The following WDR72 variants were observed in gnomAD, a reference collection of about 807,000 sequenced individuals.
WDR72 encodes WD repeat-containing protein 72.
A neutral mutation model predicts 124.2 loss-of-function variants in WDR72; 120 were observed. The ratio of observed to expected loss-of-function variants is 0.97; its 90% CI spans 0.83 to 1.12. The LOEUF (loss-of-function observed/expected upper bound fraction) is 1.12. Among genes scored for constraint, WDR72 ranks in the 50% most tolerant of loss-of-function variants. The pLI, the probability that WDR72 is intolerant of heterozygous loss-of-function variation, is 0.00. For missense variants in WDR72, 1,387 were observed against 1,278.8 expected (o/e 1.08, Z -1.29); for synonymous variants, 452 against 441.7 (o/e 1.02, Z -0.29).
intron 14 of WDR72, among the ~76,000 whole-genome samples, chr15:53,652,383 C>G (rs2015272027): frequency 6.6e-6 from 1 of 152,110 alleles, no homozygotes; most frequent in Admixed American, 6.6e-5. Flanking sequence ...GTAATCAGCC[C>G]TCTCTTCTCC....
chr15:53,628,955 A>C (rs954365164), intron 14 of WDR72, among the ~76,000 whole-genome samples: 1 of 152,304 alleles, frequency 6.6e-6, no homozygotes, highest in East Asian at 1.9e-4. Context: ...ATAAGCAGAT[A>C]ATAAGGCTTT....
intron 18 of WDR72, among the ~76,000 whole-genome samples, chr15:53,573,498 T>G (rs79565736): frequency 0.018 from 2,685 of 152,316 alleles, 66 homozygotes; most frequent in East Asian, 0.13. Flanking sequence ...TTATGATTCT[T>G]GCTTGTAATT....
intron 2 of WDR72, among the ~76,000 whole-genome samples, chr15:53,731,437 T>C (rs1424675962): frequency 6.6e-6 from 1 of 151,916 alleles, no homozygotes; most frequent in Non-Finnish European, 1.5e-5. Flanking sequence ...AATGGAAAAA[T>C]TATTTATTGT....
intron 9 of WDR72, among the ~76,000 whole-genome samples, chr15:53,707,298 A>T (rs562486689): frequency 1.3e-5 from 2 of 152,340 alleles, no homozygotes; most frequent in East Asian, 3.9e-4. Flanking sequence ...GTAAGTAAAC[A>T]TTGCTATTAT....
At chr15:53,745,985 C>T (rs886703107) in intron 1 of WDR72, among the ~76,000 whole-genome samples, 5 of 152,088 alleles carry the variant, frequency 3.3e-5, no homozygotes, top group Admixed American at 1.3e-4. Flanking sequence ...GAAATTCCTT[C>T]GTTATTTTGG....
At chr15:53,598,092 G>A (rs989538109) in intron 17 of WDR72, among the ~76,000 whole-genome samples, 1 of 152,158 alleles carries the variant, frequency 6.6e-6, no homozygotes, top group Non-Finnish European at 1.5e-5. Context: ...GCAAGGTCTA[G>A]CAGTTAGGTA....
chr15:53,602,196 A>C (rs2013073879), intron 17 of WDR72, among the ~76,000 whole-genome samples: 1 of 152,072 alleles, frequency 6.6e-6, no homozygotes. Context: ...ACTCAAAACC[A>C]TACAATTACA....
At chr15:53,670,349 G>C (rs2015943420) in intron 13 of WDR72, among the ~76,000 whole-genome samples, 1 of 152,192 alleles carries the variant, frequency 6.6e-6, no homozygotes, top group Non-Finnish European at 1.5e-5. Flanking sequence ...AGAAATATAA[G>C]AAACAGCCAA....
At chr15:53,680,763 T>C (rs147797640) in intron 13 of WDR72, among the ~76,000 whole-genome samples, 27 of 152,098 alleles carry the variant, frequency 1.8e-4, no homozygotes, top group African/African-American at 5.5e-4. Context: ...TTCAGTGGAG[T>C]GTTGGGTACT....
At chr15:53,561,160 C>T (rs1008905402) in intron 18 of WDR72, among the ~76,000 whole-genome samples, 2 of 151,842 alleles carry the variant, frequency 1.3e-5, no homozygotes, top group African/African-American at 2.4e-5. Context: ...TGGTGTAGCA[C>T]ATTCAACCAA....
intron 14 of WDR72, among the ~76,000 whole-genome samples, chr15:53,658,062 G>C (rs2015488470): frequency 6.6e-6 from 1 of 152,156 alleles, no homozygotes; most frequent in African/African-American, 2.4e-5. Context: ...ATCCTGCTCA[G>C]TACACTTTAG....
intron 14 of WDR72, among the ~76,000 whole-genome samples, chr15:53,661,303 G>T (rs2015601323): frequency 6.6e-6 from 1 of 152,206 alleles, no homozygotes; most frequent in Admixed American, 6.5e-5. Context: ...GAAGGCCTCA[G>T]TCTTCTTCCA....
chr15:53,710,277 TAAC>T (rs1172368148), intron 9 of WDR72, among the ~76,000 whole-genome samples: 1 of 152,154 alleles, frequency 6.6e-6, no homozygotes, highest in Middle Eastern at 3.2e-3. Flanking sequence ...GTAAAAATGT[TAAC>T]AATGTTTTGT....
chr15:53,639,219 C>A (rs1236336439), intron 14 of WDR72, among the ~76,000 whole-genome samples: 1 of 152,042 alleles, frequency 6.6e-6, no homozygotes, highest in Non-Finnish European at 1.5e-5. Context: ...AATCCCTCTA[C>A]TCATCAAAAG....
At position 53,630,584 on chromosome 15, in the gene WDR72, ATAT is replaced by A. The variant is rs146928622; in HGVS notation, c.1963-14344_1963-14342del. Among the ~76,000 whole-genome samples the A allele has an allele frequency of 6.8e-3, 1,033 of 152,350 alleles. 17 individuals carry two copies. Among genetic ancestry groups the A allele is most frequent in the African/African-American group, 0.024 (999 of 41,592 alleles). The stretch of plus-strand genomic sequence containing the variant: ...CAAAAATCCATTAACATAACGTATC[ATAT>A]TAATAGAATAAAAAACAAAACACAT... On this transcript the variant is annotated intron_variant, in intron 14 of 19. Coordinates refer to ENST00000360509, the MANE Select transcript of WDR72 (RefSeq NM_182758.4).
intron 13 of WDR72, among the ~76,000 whole-genome samples, chr15:53,677,827 C>A (rs925566410): frequency 5.3e-5 from 8 of 152,162 alleles, no homozygotes; most frequent in Admixed American, 4.6e-4. Flanking sequence ...TCTTTATCAT[C>A]ATCATCATCA....
At chr15:53,611,012 T>A (rs1173279460) in intron 16 of WDR72, among the ~76,000 whole-genome samples, 1 of 152,124 alleles carries the variant, frequency 6.6e-6, no homozygotes, top group African/African-American at 2.4e-5. Flanking sequence ...AGCCAACTTA[T>A]CTTGGCAATG....
Position 53,727,759 on chromosome 15 carries a change from A to T in WDR72, c.154-4851T>A, listed in dbSNP as rs539603147. Among the ~76,000 whole-genome samples, 13 of 152,358 alleles carry T rather than the reference A, an allele frequency of 8.5e-5. 1 individual carries two copies. Among genetic ancestry groups the T allele is most frequent in the African/African-American group, 2.9e-4 (12 of 41,588 alleles). ...TCAGAACAGAACATCATGGCCTTTC[A>T]TATGAAGTCCTCATTCTATTACTAA... is the stretch of plus-strand genomic sequence containing the variant. On this transcript the variant is annotated intron_variant, in intron 2 of 19. Transcript: ENST00000360509.
At chr15:53,589,921 A>G (rs2012413781) in intron 18 of WDR72, among the ~76,000 whole-genome samples, 4 of 152,068 alleles carry the variant, frequency 2.6e-5, no homozygotes, top group African/African-American at 9.7e-5. Context: ...GAGGGCAGAA[A>G]CAGTAAAGAA....
Sources: allele counts gnomAD v4.1 joint callset (sites outside exome capture counted in the v4.1 genomes callset), GRCh38; gene constraint gnomAD v4.1.1; transcripts MANE v1.5; gene names NCBI Gene and HGNC (gene_info 2026-07-23, HGNC 2026-07-21).